Variants in TUSC3 observed in about 807,000 individuals in gnomAD.
The protein encoded by TUSC3 is dolichyl-diphosphooligosaccharide--protein glycosyltransferase subunit TUSC3.
A neutral mutation model predicts 44.8 loss-of-function variants in TUSC3; 45 were observed. The ratio of observed to expected loss-of-function variants is 1.00; its 90% confidence interval spans 0.79 to 1.29. TUSC3 has a LOEUF of 1.29. TUSC3 is among the 50% of genes most tolerant of loss of function. TUSC3 has a pLI of 0.00. For synonymous variants in TUSC3, 212 were observed against 152.9 expected, an observed-to-expected ratio of 1.39 and a Z score of -2.85; for missense variants, 519 against 437.9, an observed-to-expected ratio of 1.19 and a Z score of -1.65.
intron 9 of TUSC3, among the ~76,000 whole-genome samples, chr8:15,752,410 GAAAAGGAAGATATATACAC>G: frequency 6.6e-6 from 1 of 152,108 alleles, no homozygotes; most frequent in East Asian, 1.9e-4. Flanking sequence ...AGAAATATAT[GAAAAGGAAGATATATACAC>G]AAAAGGAAAT....
chr8:15,419,274 T>A (rs1799695128), intron 1 of TUSC3, among the ~76,000 whole-genome samples: 1 of 152,176 alleles, frequency 6.6e-6, no homozygotes, highest in Non-Finnish European at 1.5e-5. Flanking sequence ...GTCACAGTGT[T>A]TTAATTAGAG....
At chr8:15,421,543 T>A (rs1004570093) in intron 1 of TUSC3, among the ~76,000 whole-genome samples, 1 of 152,210 alleles carries the variant, frequency 6.6e-6, no homozygotes, top group Non-Finnish European at 1.5e-5. Context: ...TTATCACTTA[T>A]TGCCATCTGA....
chr8:15,526,839 G>A (rs1801379893), intron 2 of TUSC3, among the ~76,000 whole-genome samples: 1 of 152,036 alleles, frequency 6.6e-6, no homozygotes, highest in African/African-American at 2.4e-5. Context: ...GGAGACTAGG[G>A]GTGGCTTTCA....
chr8:15,705,922 A>G (rs1274092233), intron 6 of TUSC3, among the ~76,000 whole-genome samples: 1 of 152,096 alleles, frequency 6.6e-6, no homozygotes, highest in East Asian at 1.9e-4. Context: ...GTGACGTAAC[A>G]GAGGCATCCA....
At chr8:15,684,830 G>C (rs35915444) in intron 6 of TUSC3, among the ~76,000 whole-genome samples, 37,568 of 152,116 alleles carry the variant, frequency 0.25, 5,832 homozygotes, top group Non-Finnish European at 0.34. Context: ...AGCAGCAGCT[G>C]TGCTGCAGGA....
At chr8:15,428,319 A>G (rs879220647) in intron 1 of TUSC3, among the ~76,000 whole-genome samples, 2 of 151,000 alleles carry the variant, frequency 1.3e-5, no homozygotes, top group Admixed American at 1.3e-4. Context: ...TTATGGCTGC[A>G]TAGTATTCCA....
intron 1 of TUSC3, among the ~76,000 whole-genome samples, chr8:15,553,495 G>C (rs1328615444): frequency 2.1e-5 from 2 of 97,310 alleles, no homozygotes; most frequent in Non-Finnish European, 4.5e-5. Flanking sequence ...TTTGCTGCTG[G>C]AGGAGCTTAC....
chr8:15,636,476 T>C (rs2129169971), intron 2 of TUSC3, among the ~76,000 whole-genome samples: 1 of 152,260 alleles, frequency 6.6e-6, no homozygotes, highest in East Asian at 1.9e-4. Flanking sequence ...AGAATAGAGA[T>C]ATTAGGCATT....
intron 6 of TUSC3, among the ~76,000 whole-genome samples, chr8:15,717,835 G>A (rs191029789): frequency 2.4e-4 from 37 of 152,138 alleles, no homozygotes; most frequent in African/African-American, 8.7e-4. Flanking sequence ...TAGTTACAAA[G>A]GAGGTTAACT....
At chr8:15,757,930 A>G (rs1812000654) in intron 10 of TUSC3, 75 bp downstream of exon 10, 2 of 1,489,114 alleles carry the variant, frequency 1.3e-6, no homozygotes, top group Non-Finnish European at 1.9e-6. Context: ...TTTATCTCAT[A>G]AGACAAGTTG....
At chr8:15,676,322 A>G (rs1166387305) in intron 6 of TUSC3, among the ~76,000 whole-genome samples, 1 of 151,910 alleles carries the variant, frequency 6.6e-6, no homozygotes, top group East Asian at 1.9e-4. Context: ...TAATGGGGTT[A>G]TTTATTTTCT....
chr8:15,556,681 T>A (rs1005888256), intron 1 of TUSC3, among the ~76,000 whole-genome samples: 16 of 146,938 alleles, frequency 1.1e-4, no homozygotes, highest in African/African-American at 4.0e-4. Context: ...TCCTGACTTT[T>A]TAATGATTGC....
At chr8:15,779,114 TTTTTC>T in the TUSC3 span, among the ~76,000 whole-genome samples, 438 of 120,188 alleles carry the variant, frequency 3.6e-3, no homozygotes, top group Middle Eastern at 0.024. Flanking sequence ...TTTTTTTTTT[TTTTTC>T]CACGTTACTT....
At chr8:15,742,665 G>C (rs1002136111) in intron 7 of TUSC3, among the ~76,000 whole-genome samples, 35 of 152,154 alleles carry the variant, frequency 2.3e-4, no homozygotes, top group Non-Finnish European at 7.4e-5. Context: ...AAACACAAGG[G>C]AATCATAATG....
At chr8:15,781,603 A>C in the TUSC3 span, among the ~76,000 whole-genome samples, 1 of 145,590 alleles carries the variant, frequency 6.9e-6, no homozygotes, top group Non-Finnish European at 1.5e-5. Flanking sequence ...AGAAAAAAAG[A>C]AAATGGAATC....
At chr8:15,481,466 A>G (rs540148483) in intron 1 of TUSC3, among the ~76,000 whole-genome samples, 1 of 152,130 alleles carries the variant, frequency 6.6e-6, no homozygotes, top group African/African-American at 2.4e-5. Flanking sequence ...GGCCCTCACC[A>G]AATGCCAGTT....
At chr8:15,629,834 T>G (rs35666987) in intron 2 of TUSC3, among the ~76,000 whole-genome samples, 3,753 of 152,202 alleles carry the variant, frequency 0.025, 53 homozygotes, top group East Asian at 0.049. Flanking sequence ...AGCTTTTGGC[T>G]TCCTTGTAAG....
Position 15,764,388 on chromosome 8 carries a change from G to A in TUSC3, c.*232G>A. ...ATTTAATTTACAGAAATCAATGGTA[G>A]CATTTAGTAATCTACAAAGGAAATA... On this transcript the variant is annotated 3_prime_UTR_variant, in exon 11 of 11. Transcript: ENST00000503731. 1 of 644,468 alleles carries A rather than the reference G, an allele frequency of 1.6e-6. No individual in the cohort carries two copies. The highest frequency in any genetic ancestry group is 1.9e-5 in the South Asian group (1 of 51,872). 39.9% of individuals were successfully genotyped at this position (644,468 alleles called of 1,614,324 possible).
intron 2 of TUSC3, among the ~76,000 whole-genome samples, chr8:15,646,478 G>C (rs995401975): frequency 6.6e-6 from 1 of 152,026 alleles, no homozygotes; most frequent in Non-Finnish European, 1.5e-5. Context: ...ATGGAATACA[G>C]AGTTTGAAGG....
Sources: allele counts gnomAD v4.1 joint callset (sites outside exome capture counted in the v4.1 genomes callset), GRCh38; gene constraint gnomAD v4.1.1; transcripts MANE v1.5; gene names NCBI Gene and HGNC (gene_info 2026-07-23, HGNC 2026-07-21).